Variants in NKAIN3 observed in about 807,000 individuals in gnomAD.
NKAIN3 encodes the protein sodium/potassium transporting ATPase interacting 3.
NKAIN3 carries 25 observed loss-of-function variants against 30.2 expected under a neutral mutation model. The observed-to-expected ratio is 0.83, with a 90% CI of 0.60 to 1.16. NKAIN3 has a LOEUF of 1.16. Among genes scored for constraint, NKAIN3 ranks in the 50% most tolerant of loss-of-function variants. The pLI, the probability that NKAIN3 is intolerant of heterozygous loss-of-function variation, is 0.00. For synonymous variants in NKAIN3, 91 were observed against 89.6 expected, an observed-to-expected ratio of 1.02 and a Z score of -0.09; for missense variants, 225 against 254.1, an observed-to-expected ratio of 0.89 and a Z score of 0.78.
chr8:62,417,006 T>TTA (rs756108050), intron 1 of NKAIN3, among the ~76,000 whole-genome samples: 290 of 148,614 alleles, frequency 2.0e-3, no homozygotes, highest in African/African-American at 4.1e-3. Context: ...ATATATATAT[T>TTA]TATATATATA....
chr8:62,696,882 ATTAT>A (rs1814173723), intron 3 of NKAIN3, among the ~76,000 whole-genome samples: 1 of 152,172 alleles, frequency 6.6e-6, no homozygotes, highest in South Asian at 2.1e-4. Context: ...GGTGAAATAA[ATTAT>A]TTATCAAGAT....
At chr8:62,903,593 A>C (rs1281709504) in intron 4 of NKAIN3, among the ~76,000 whole-genome samples, 1 of 152,152 alleles carries the variant, frequency 6.6e-6, no homozygotes, top group African/African-American at 2.4e-5. Context: ...GAAACTGTCC[A>C]CCTGCTGCCT....
intron 1 of NKAIN3, among the ~76,000 whole-genome samples, chr8:62,372,067 A>G (rs1168372252): frequency 6.6e-6 from 1 of 151,934 alleles, no homozygotes; most frequent in Non-Finnish European, 1.5e-5. Context: ...AAACAATGAA[A>G]ACATAATGGT....
Position 62,558,503 on chromosome 8 carries a change from C to T in NKAIN3, c.55-21036C>T, listed in dbSNP as rs562998344. On this transcript the variant is annotated intron_variant, in intron 1 of 6. Coordinates refer to ENST00000623646, the MANE Select transcript of NKAIN3 (RefSeq NM_001304533.3). Reference sequence around the variant, plus strand: ...AATTTGTAGATTTCTTTTGGCAGTACGGCCATTTTCACAATATTGAGTCTA... The same window carrying T: ...AATTTGTAGATTTCTTTTGGCAGTATGGCCATTTTCACAATATTGAGTCTA... Among the ~76,000 whole-genome samples, 247 of 151,996 alleles carry T rather than the reference C, an allele frequency of 1.6e-3. 1 individual carries two copies. The highest frequency in any genetic ancestry group is 5.3e-3 in the Admixed American group (80 of 15,234).
At chr8:62,340,059 A>G (rs1400780600) in intron 1 of NKAIN3, among the ~76,000 whole-genome samples, 1 of 152,112 alleles carries the variant, frequency 6.6e-6, no homozygotes, top group Non-Finnish European at 1.5e-5. Context: ...ACAGATTAAT[A>G]AGAAAAGAGT....
chr8:62,276,935 TTCCTAGAAC>T (rs1466309183), intron 1 of NKAIN3, among the ~76,000 whole-genome samples: 1 of 152,146 alleles, frequency 6.6e-6, no homozygotes, highest in East Asian at 1.9e-4. Flanking sequence ...TGTTTAATTT[TTCCTAGAAC>T]TCTATACTTT....
chr8:62,537,944 C>T (rs1438313798), intron 1 of NKAIN3, among the ~76,000 whole-genome samples: 2 of 152,068 alleles, frequency 1.3e-5, no homozygotes, highest in African/African-American at 4.8e-5. Flanking sequence ...AGTTCAATGA[C>T]AGTGCTGCAT....
chr8:62,899,131 G>A (rs1263907995), intron 4 of NKAIN3, among the ~76,000 whole-genome samples: 4 of 152,196 alleles, frequency 2.6e-5, no homozygotes, highest in African/African-American at 7.2e-5. Context: ...TACTGTTGAT[G>A]GGAATGTAAA....
intron 1 of NKAIN3, among the ~76,000 whole-genome samples, chr8:62,357,792 T>G (rs1412309738): frequency 6.6e-6 from 1 of 152,184 alleles, no homozygotes; most frequent in African/African-American, 2.4e-5. Context: ...AAAAGAGAGA[T>G]ATGTTGGATG....
intron 3 of NKAIN3, among the ~76,000 whole-genome samples, chr8:62,615,446 G>A (rs941443374): frequency 6.6e-6 from 1 of 152,084 alleles, no homozygotes; most frequent in South Asian, 2.1e-4. Context: ...TTAGGGGAGG[G>A]GAGGTGCCAG....
intron 1 of NKAIN3, among the ~76,000 whole-genome samples, chr8:62,577,536 C>CTT (rs35130487): frequency 1.3e-4 from 15 of 111,186 alleles, no homozygotes; most frequent in African/African-American, 3.8e-4. Context: ...TCAGGGTTTC[C>CTT]TTTTTTTTTT....
chr8:62,822,543 C>T (rs1401689105), intron 4 of NKAIN3, among the ~76,000 whole-genome samples: 1 of 152,076 alleles, frequency 6.6e-6, no homozygotes, highest in Non-Finnish European at 1.5e-5. Flanking sequence ...AAGGACAATA[C>T]AAGGAACACT....
chr8:62,476,944 A>C (rs1190922477), intron 1 of NKAIN3, among the ~76,000 whole-genome samples: 1 of 152,202 alleles, frequency 6.6e-6, no homozygotes, highest in Non-Finnish European at 1.5e-5. Flanking sequence ...AATGAAAGGC[A>C]AGGAAGAATG....
intron 1 of NKAIN3, among the ~76,000 whole-genome samples, chr8:62,433,365 C>G (rs892884731): frequency 1.3e-5 from 2 of 151,872 alleles, no homozygotes; most frequent in Non-Finnish European, 2.9e-5. Flanking sequence ...GAAAACAATG[C>G]AAATGACAGG....
At chr8:62,586,082 G>T (rs931625515) in intron 2 of NKAIN3, among the ~76,000 whole-genome samples, 1 of 152,140 alleles carries the variant, frequency 6.6e-6, no homozygotes, top group Non-Finnish European at 1.5e-5. Context: ...TTAAAAATTT[G>T]TAAAGGGTCA....
At chr8:62,370,531 A>G (rs118005861) in intron 1 of NKAIN3, among the ~76,000 whole-genome samples, 1 of 151,990 alleles carries the variant, frequency 6.6e-6, no homozygotes, top group Non-Finnish European at 1.5e-5. Flanking sequence ...ACATGATCAT[A>G]TATGTATTCC....
intron 4 of NKAIN3, among the ~76,000 whole-genome samples, chr8:62,889,187 G>A (rs1000827549): frequency 1.3e-4 from 20 of 152,142 alleles, no homozygotes; most frequent in African/African-American, 4.8e-4. Context: ...TGGCCAACAT[G>A]GTGAAACCCT....
chr8:62,530,431 G>T (rs927260199), intron 1 of NKAIN3, among the ~76,000 whole-genome samples: 36 of 152,094 alleles, frequency 2.4e-4, no homozygotes, highest in African/African-American at 7.2e-4. Flanking sequence ...ATCACACCCA[G>T]ACACAGTGAT....
intron 4 of NKAIN3, among the ~76,000 whole-genome samples, chr8:62,805,239 G>T (rs28832415): frequency 0.2 from 30,394 of 150,386 alleles, 3,625 homozygotes; most frequent in African/African-American, 0.32. Context: ...AGGTAATTTA[G>T]AGATTCAATG....
Sources: gnomAD v4.1 joint callset for allele counts (sites outside exome capture counted in the v4.1 genomes callset) on GRCh38, gnomAD v4.1.1 for gene constraint, MANE v1.5 for transcripts, NCBI Gene and HGNC (gene_info 2026-07-23, HGNC 2026-07-21) for gene names.